Variants in GPC3 observed in about 807,000 individuals in gnomAD.
The protein encoded by GPC3 is glypican 3.
GPC3 carries 3 observed loss-of-function variants against 34.4 expected under a neutral mutation model. That is an observed-to-expected ratio of 0.09 (90% CI 0.04 to 0.23). The LOEUF (loss-of-function observed/expected upper bound fraction) is 0.23. Among genes scored for constraint, GPC3 ranks in the 10% least tolerant of loss-of-function variants. GPC3 has a pLI of 1.00. For synonymous variants in GPC3, 177 were observed against 174.0 expected (o/e 1.02, Z -0.13); for missense variants, 351 against 445.6 (o/e 0.79, Z 1.91).
At position 133,841,215 on chromosome X, in the gene GPC3, A is replaced by ATTTT. The variant is rs769696321; in HGVS notation, c.338-87043_338-87040dup. 1.7e-3 allele frequency among the ~76,000 whole-genome samples: 66 copies of ATTTT among 39,248 alleles called. 12 individuals carry two copies. The highest frequency in any genetic ancestry group is 2.9e-3 in the Non-Finnish European group (54 of 18,663). The allele number at this position is 39,248 out of a possible 115,157, so 34.1% of individuals were successfully genotyped here. ...ACCACCATGCCTGGCTAATCTTTTAATTTTTTTTTTTTTTTTTTTTTTTGG... is the reference window on the plus strand; with the variant it reads ...ACCACCATGCCTGGCTAATCTTTTAATTTTTTTTTTTTTTTTTTTTTTTTTTTGG... On this transcript the variant is annotated intron_variant, in intron 2 of 7. Coordinates refer to ENST00000370818, the MANE Select transcript of GPC3 (RefSeq NM_004484.4).
chrX:133,906,742 A>G (rs1212577697), intron 2 of GPC3, among the ~76,000 whole-genome samples: 3 of 112,139 alleles, frequency 2.7e-5, no homozygotes, highest in African/African-American at 9.7e-5. Flanking sequence ...TCCGTCTGCA[A>G]AAGGTGCCTG....
chrX:133,729,900 T>G (rs753994579), intron 3 of GPC3, among the ~76,000 whole-genome samples: 9 of 112,580 alleles, frequency 8.0e-5, no homozygotes, highest in Non-Finnish European at 1.7e-4. Flanking sequence ...GACAAAGGTA[T>G]AAAGAAAGTT....
At chrX:133,673,173 C>T (rs1159259286) in intron 5 of GPC3, among the ~76,000 whole-genome samples, 3 of 111,294 alleles carry the variant, frequency 2.7e-5, no homozygotes, top group Middle Eastern at 4.7e-3. Context: ...ACTCCGACCT[C>T]GTGATCCACC....
chrX:133,699,849 C>G, intron 4 of GPC3, 46 bp downstream of exon 4: 15 of 1,117,242 alleles, frequency 1.3e-5, no homozygotes, highest in Non-Finnish European at 1.8e-5. Context: ...CCTTAAAATA[C>G]AATTGTTAAT....
At chrX:133,586,559 G>A (rs1238525105) in intron 7 of GPC3, among the ~76,000 whole-genome samples, 2 of 111,448 alleles carry the variant, frequency 1.8e-5, no homozygotes, top group African/African-American at 3.3e-5. Flanking sequence ...TTCCCAACTC[G>A]TTGTCCACCC....
chrX:133,961,897 C>A (rs1466603049), intron 1 of GPC3, among the ~76,000 whole-genome samples: 1 of 111,956 alleles, frequency 8.9e-6, no homozygotes, highest in Non-Finnish European at 1.9e-5. Context: ...GGCCTTCCTG[C>A]CTCTATACCC....
chrX:133,861,796 C>T (rs191313813), intron 2 of GPC3, among the ~76,000 whole-genome samples: 32 of 111,351 alleles, frequency 2.9e-4, no homozygotes, highest in Admixed American at 2.8e-3. Context: ...GATGTGCCTG[C>T]TCCCTCTTCA....
chrX:133,564,498 G>C (rs988123085), intron 7 of GPC3, among the ~76,000 whole-genome samples: 1 of 111,558 alleles, frequency 9.0e-6, no homozygotes, highest in African/African-American at 3.3e-5. Context: ...TGCACCCTGT[G>C]TACACACACT....
chrX:133,957,712 C>T (rs1281342345), intron 1 of GPC3, among the ~76,000 whole-genome samples: 1 of 111,727 alleles, frequency 9.0e-6, no homozygotes, highest in East Asian at 2.8e-4. Flanking sequence ...AAAAGACATA[C>T]TAAATACAAA....
At chrX:133,920,841 C>G (rs1010560361) in intron 2 of GPC3, among the ~76,000 whole-genome samples, 1 of 111,822 alleles carries the variant, frequency 8.9e-6, no homozygotes, top group African/African-American at 3.2e-5. Context: ...CCAGCTCCCC[C>G]TAATATTAAC....
chrX:133,663,265 C>T (rs754616665), intron 5 of GPC3, among the ~76,000 whole-genome samples: 2 of 111,967 alleles, frequency 1.8e-5, no homozygotes, highest in East Asian at 5.8e-4. Flanking sequence ...TGGTGAAACC[C>T]CATCTCTACA....
chrX:133,893,982 ACAGGCGCCCGCCATCAAGCCTGG>A (rs1031852930), intron 2 of GPC3, among the ~76,000 whole-genome samples: 5 of 110,764 alleles, frequency 4.5e-5, no homozygotes, highest in African/African-American at 1.6e-4. Context: ...AGCTGGGATT[ACAGGCGCCCGCCATCAAGCCTGG>A]CTTATTTTTG....
chrX:133,916,006 G>A (rs756544621), intron 2 of GPC3, among the ~76,000 whole-genome samples: 5 of 109,905 alleles, frequency 4.5e-5, no homozygotes, highest in Non-Finnish European at 7.6e-5. Context: ...AATTGCCAGC[G>A]TGGTAGCACA....
At chrX:133,619,185 T>C (rs2070201925) in intron 6 of GPC3, among the ~76,000 whole-genome samples, 1 of 112,230 alleles carries the variant, frequency 8.9e-6, no homozygotes, top group African/African-American at 3.2e-5. Flanking sequence ...AAATGGAAAA[T>C]AACAGGTGTT....
intron 2 of GPC3, among the ~76,000 whole-genome samples, chrX:133,896,913 T>TTC (rs2076116554): frequency 9.6e-6 from 1 of 104,698 alleles, no homozygotes; most frequent in Non-Finnish European, 2.0e-5. Flanking sequence ...GACCTTTTTT[T>TTC]TTTTTTTTTT....
chrX:133,794,681 A>G (rs1009385094), intron 2 of GPC3, among the ~76,000 whole-genome samples: 2 of 111,862 alleles, frequency 1.8e-5, no homozygotes, highest in African/African-American at 6.5e-5. Flanking sequence ...TGCCTTCACA[A>G]CCGCCTCACA....
chrX:133,856,417 AT>A (rs1454371742), intron 2 of GPC3, among the ~76,000 whole-genome samples: 3 of 111,190 alleles, frequency 2.7e-5, no homozygotes, highest in African/African-American at 6.5e-5. Context: ...TTAAAAAAAA[AT>A]AAAAACATTT....
chrX:133,552,407 C>T lies in GPC3; in HGVS notation c.1574-16114G>A, dbSNP rs113255242. 1.9e-3 allele frequency among the ~76,000 whole-genome samples: 207 copies of T among 111,775 alleles called. 1 individual carries two copies. The highest frequency in any genetic ancestry group is 6.4e-3 in the African/African-American group (198 of 30,779). On this transcript the variant is annotated intron_variant, in intron 7 of 7. Transcript: ENST00000370818. The stretch of plus-strand genomic sequence containing the variant: ...AGCGTCTTTTGGAGACCATGACTCA[C>T]TTAGGGAGGAGGGCTTTAAATCAGT...
At position 133,832,845 on chromosome X, in the gene GPC3, C is replaced by T. The variant is rs187137783; in HGVS notation, c.338-78669G>A. 1.1e-3 allele frequency among the ~76,000 whole-genome samples: 120 copies of T among 112,024 alleles called. 1 individual carries two copies. Among genetic ancestry groups the T allele is most frequent in the African/African-American group, 3.5e-3 (107 of 30,864 alleles). On this transcript the variant is annotated intron_variant, in intron 2 of 7. Coordinates refer to ENST00000370818, the MANE Select transcript of GPC3 (RefSeq NM_004484.4). Reference sequence around the variant, plus strand: ...GTTCTAAAAAGATTATTAATTTATGCGGCCTTGATTTGTGTTTGTTCCTAC... The same window carrying T: ...GTTCTAAAAAGATTATTAATTTATGTGGCCTTGATTTGTGTTTGTTCCTAC...
Sources: allele counts gnomAD v4.1 joint callset (sites outside exome capture counted in the v4.1 genomes callset), GRCh38; gene constraint gnomAD v4.1.1; transcripts MANE v1.5; gene names NCBI Gene and HGNC (gene_info 2026-07-23, HGNC 2026-07-21).